COMMD6: variants seen among roughly 807,000 people sequenced by gnomAD.
COMMD6 encodes the protein COMM domain containing 6.
Under a neutral mutation model 13.4 loss-of-function variants are expected in COMMD6, and 11 were observed. That is an observed-to-expected ratio of 0.82 (90% confidence interval 0.52 to 1.36). The LOEUF (loss-of-function observed/expected upper bound fraction) is 1.36. COMMD6 is among the 40% of genes most tolerant of loss of function. The pLI is 0.00. For missense variants in COMMD6, 124 were observed against 102.4 expected (o/e 1.21, Z -0.91); for synonymous variants, 43 against 36.5 (o/e 1.18, Z -0.64).
upstream of COMMD6, among the ~76,000 whole-genome samples, chr13:75,543,601 G>A (rs1055937451): frequency 6.6e-6 from 1 of 152,224 alleles, no homozygotes; most frequent in Non-Finnish European, 1.5e-5. Flanking sequence ...ACCTAGGCCT[G>A]AATCTAAAGC....
At chr13:75,548,106 A>G (rs1350889972) in intron 1 of COMMD6, among the ~76,000 whole-genome samples, 1 of 152,252 alleles carries the variant, frequency 6.6e-6, no homozygotes, top group Non-Finnish European at 1.5e-5. Flanking sequence ...CACAGTGCAG[A>G]ACCTCAGGGA....
At chr13:75,544,760 G>GAAATA (rs543689245) in intron 1 of COMMD6, among the ~76,000 whole-genome samples, 2,141 of 151,410 alleles carry the variant, frequency 0.014, 25 homozygotes, top group African/African-American at 0.019. Flanking sequence ...CTTTGTCTCA[G>GAAATA]AAATAAAATA....
intron 3 of COMMD6, among the ~76,000 whole-genome samples, chr13:75,528,357 T>C (rs558892678): frequency 3.2e-4 from 49 of 152,266 alleles, no homozygotes; most frequent in South Asian, 4.1e-4. Context: ...TCTTTCGAAA[T>C]TGACTGAGTC....
chr13:75,529,495 T>A (rs192313729), intron 3 of COMMD6, among the ~76,000 whole-genome samples: 3,521 of 129,154 alleles, frequency 0.027, 45 homozygotes, highest in Middle Eastern at 0.045. Context: ...CACTCCAGCC[T>A]GGGCAACAGA....
intron 2 of COMMD6, among the ~76,000 whole-genome samples, chr13:75,534,395 A>C (rs905626278): frequency 6.6e-6 from 1 of 152,258 alleles, no homozygotes; most frequent in African/African-American, 2.4e-5. Context: ...ATTGAAAGAA[A>C]GCTAAGACTA....
chr13:75,527,438 T>C (rs2030301058), intron 3 of COMMD6, among the ~76,000 whole-genome samples: 1 of 152,188 alleles, frequency 6.6e-6, no homozygotes, highest in Admixed American at 6.5e-5. Context: ...ATTTTAGTTA[T>C]CAAAAAGATA....
At chr13:75,537,842 A>AACCAGTGTAAC, upstream of COMMD6, 1 of 1,569,488 alleles carries the variant, frequency 6.4e-7, no homozygotes, top group Admixed American at 1.8e-5. Context: ...GACTCGAGAG[A>AACCAGTGTAAC]ACGCCCCCAG....
At chr13:75,538,784 G>A (rs1461526034), upstream of COMMD6, 1 of 152,088 alleles carries the variant, frequency 6.6e-6, no homozygotes, top group Non-Finnish European at 1.5e-5. Context: ...ATCAAGGGCC[G>A]CCTTGAATTT....
upstream of COMMD6, among the ~76,000 whole-genome samples, chr13:75,543,426 A>G (rs990712988): frequency 2.1e-4 from 32 of 152,338 alleles, no homozygotes; most frequent in Middle Eastern, 3.4e-3. Context: ...CCCTGTCAAC[A>G]TTGTGATTTT....
intron 1 of COMMD6, among the ~76,000 whole-genome samples, chr13:75,548,480 T>G (rs1240976694): frequency 6.6e-6 from 1 of 152,200 alleles, no homozygotes; most frequent in Non-Finnish European, 1.5e-5. Context: ...AGGTGCAGAA[T>G]AGTAATATGC....
At chr13:75,543,554 G>A (rs997764692), upstream of COMMD6, among the ~76,000 whole-genome samples, 2 of 152,224 alleles carry the variant, frequency 1.3e-5, no homozygotes, top group Non-Finnish European at 2.9e-5. Context: ...ATTTGACAGA[G>A]TAGAGCATAA....
chr13:75,534,119 TA>T (rs1392856771), intron 2 of COMMD6, among the ~76,000 whole-genome samples: 1 of 152,064 alleles, frequency 6.6e-6, no homozygotes, highest in Non-Finnish European at 1.5e-5. Flanking sequence ...GAGTATGAAA[TA>T]AGTAAGCAAT....
At chr13:75,533,520 G>A (rs774394264) in intron 2 of COMMD6, among the ~76,000 whole-genome samples, 42 of 149,390 alleles carry the variant, frequency 2.8e-4, no homozygotes, top group Non-Finnish European at 5.6e-4. Context: ...AGTGAGCTGT[G>A]AGCATGCCAC....
At chr13:75,527,729 G>T in intron 3 of COMMD6, 1 of 1,269,072 alleles carries the variant, frequency 7.9e-7, no homozygotes, top group Non-Finnish European at 1.0e-6. Flanking sequence ...GGAGGACATT[G>T]TGCAAAGTGA....
intron 2 of COMMD6, among the ~76,000 whole-genome samples, chr13:75,533,572 A>G (rs116974205): frequency 0.57 from 73,917 of 129,226 alleles, 19,139 homozygotes; most frequent in Non-Finnish European, 0.63. Context: ...CCAAATCTGA[A>G]AAAAAAAAAA....
upstream of COMMD6, chr13:75,538,046 A>G: frequency 2.3e-6 from 1 of 439,356 alleles, no homozygotes; most frequent in Non-Finnish European, 4.0e-6. Flanking sequence ...CTTTGAGAAG[A>G]GAAGCGCTAA....
At chr13:75,543,096 C>T (rs2030851346), upstream of COMMD6, among the ~76,000 whole-genome samples, 1 of 152,194 alleles carries the variant, frequency 6.6e-6, no homozygotes, top group Non-Finnish European at 1.5e-5. Flanking sequence ...AAAACAAATA[C>T]ATGTTCTCAC....
chr13:75,543,676 G>A (rs2030859334), upstream of COMMD6, among the ~76,000 whole-genome samples: 2 of 152,284 alleles, frequency 1.3e-5, no homozygotes, highest in South Asian at 4.1e-4. Flanking sequence ...AGCTTTCTTA[G>A]CTGTAAAAAT....
intron 3 of COMMD6, among the ~76,000 whole-genome samples, chr13:75,527,558 C>T (rs1483729908): frequency 1.3e-5 from 2 of 151,872 alleles, no homozygotes; most frequent in Non-Finnish European, 2.9e-5. Context: ...AAAAGAGTTG[C>T]CTCTAATGAA....
Sources: allele counts gnomAD v4.1 joint callset (sites outside exome capture counted in the v4.1 genomes callset), GRCh38; gene constraint gnomAD v4.1.1; transcripts MANE v1.5; gene names NCBI Gene and HGNC (gene_info 2026-07-23, HGNC 2026-07-21).